SLC2A1: variants seen among roughly 807,000 people sequenced by gnomAD.
SLC2A1 encodes solute carrier family 2, facilitated glucose transporter member 1.
Under a neutral mutation model 46.6 loss-of-function variants are expected in SLC2A1, and 4 were observed. That is an observed-to-expected ratio of 0.09 (90% CI 0.04 to 0.20). The LOEUF (loss-of-function observed/expected upper bound fraction) is 0.20, where lower values mean the gene tolerates loss of function less well. SLC2A1 is among the 10% of genes least tolerant of loss of function. The probability of loss-of-function intolerance (pLI) is 1.00; values close to 1 mark genes in which losing one functional copy is unlikely to be tolerated. For synonymous variants in SLC2A1, 253 were observed against 270.0 expected, an observed-to-expected ratio of 0.94 and a Z score of 0.62; for missense variants, 352 against 667.0, an observed-to-expected ratio of 0.53 and a Z score of 5.20.
At position 42,958,848 on chromosome 1, in the gene SLC2A1, T is replaced by A. The variant is rs11537640; in HGVS notation, c.-197A>T. On this transcript the variant is annotated 5_prime_UTR_variant, in exon 1 of 10. Transcript: ENST00000426263. ...CGCGACTAGCGACCGGCACGCTCGC[T>A]GTTGCTACCTCTTGCCTCTTGCCAG... 1 of 572,144 alleles carries A rather than the reference T, an allele frequency of 1.7e-6. No individual in the cohort carries two copies. 35.4% of individuals were successfully genotyped at this position (572,144 alleles called of 1,614,324 possible).
In SLC2A1 at chr1:42,954,457, G is replaced by A. The variant is rs1288393058; in HGVS notation, c.18+4177C>T. Among the ~76,000 whole-genome samples the A allele has an allele frequency of 2.6e-5, 4 of 152,198 alleles. No individual in the cohort carries two copies. Among genetic ancestry groups the A allele is most frequent in the Admixed American group, 1.3e-4 (2 of 15,284 alleles). Reference sequence around the variant, plus strand: ...GGAGAACCACTAGAACCTGGGAGGCGAAGGTTGTGGTGAGCTGAGATTGTG... The same window carrying A: ...GGAGAACCACTAGAACCTGGGAGGCAAAGGTTGTGGTGAGCTGAGATTGTG... On this transcript the variant is annotated intron_variant, in intron 1 of 9. Coordinates refer to ENST00000426263, the MANE Select transcript of SLC2A1 (RefSeq NM_006516.4). The surrounding 1 kb of genome is among the most constrained non-coding windows in gnomAD (Gnocchi z 4.2).
chr1:42,942,888 C>T (rs747076225), intron 2 of SLC2A1: 15 of 360,538 alleles, frequency 4.2e-5, no homozygotes, highest in Non-Finnish European at 7.5e-5. Context: ...CAGAATGCCA[C>T]GGAAATGCAG....
intron 1 of SLC2A1, among the ~76,000 whole-genome samples, chr1:42,953,571 T>C (rs1436037038): frequency 1.3e-5 from 2 of 151,640 alleles, no homozygotes; most frequent in East Asian, 3.9e-4. Flanking sequence ...TGCCCAGGAG[T>C]GAGGTGGGGG....
At chr1:42,935,647 G>C (rs1280154341) in intron 2 of SLC2A1, among the ~76,000 whole-genome samples, 1 of 152,208 alleles carries the variant, frequency 6.6e-6, no homozygotes, top group East Asian at 1.9e-4. Context: ...CCTGCCTCAG[G>C]GAATAAAGCT....
chr1:42,930,468 TG>T lies in SLC2A1; in HGVS notation c.516+157del. ...CATCTTGCTGTCAACTGGGAGGCCATGGTGCTGTGTTCTCTGGACCTGTGTA... is the reference window on the plus strand; with the variant it reads ...CATCTTGCTGTCAACTGGGAGGCCATGTGCTGTGTTCTCTGGACCTGTGTA... On this transcript the variant is annotated intron_variant, in intron 4 of 9. Coordinates refer to ENST00000426263, the MANE Select transcript of SLC2A1 (RefSeq NM_006516.4). The surrounding 1 kb of genome is among the most constrained non-coding windows in gnomAD (Gnocchi z 6.2). 1 of 964,794 alleles carries T rather than the reference TG, an allele frequency of 1.0e-6. No homozygotes were observed. The highest frequency in any genetic ancestry group is 1.6e-6 in the Non-Finnish European group (1 of 612,186). 59.8% of individuals were successfully genotyped at this position (964,794 alleles called of 1,614,324 possible). A position where few individuals can be genotyped will look rare whatever the true frequency, so the allele number is the denominator to read the frequency against.
At chr1:42,937,292 T>C (rs1006071372) in intron 2 of SLC2A1, among the ~76,000 whole-genome samples, 1 of 152,174 alleles carries the variant, frequency 6.6e-6, no homozygotes, top group Non-Finnish European at 1.5e-5. Flanking sequence ...GAGTTGACAC[T>C]AAATGACCAA....
intron 1 of SLC2A1, among the ~76,000 whole-genome samples, chr1:42,957,635 C>T (rs764908605): frequency 6.6e-6 from 1 of 152,182 alleles, no homozygotes; most frequent in Non-Finnish European, 1.5e-5. Context: ...AGAAACAATG[C>T]CCTACACACA....
At position 42,958,675 on chromosome 1, in the gene SLC2A1, G is replaced by A; in HGVS notation, c.-24C>T. On this transcript the variant is annotated 5_prime_UTR_variant, in exon 1 of 10. Transcript: ENST00000426263. Reference sequence around the variant, plus strand: ...ATGGCAGCGCTGCGCTGGTGGCTCTGGCTGCGCCGGGTACGCGGGTGGCGA... The same window carrying A: ...ATGGCAGCGCTGCGCTGGTGGCTCTAGCTGCGCCGGGTACGCGGGTGGCGA... The A allele has an allele frequency of 2.0e-6, 3 of 1,534,850 alleles. No homozygotes were observed. The highest frequency in any genetic ancestry group is 2.6e-6 in the Non-Finnish European group (3 of 1,144,584).
Position 42,930,049 on chromosome 1 carries a change from G to A in SLC2A1, c.517-14C>T. 1.2e-6 allele frequency: 2 copies of A among 1,613,586 alleles called. No homozygotes were observed. The highest frequency in any genetic ancestry group is 1.3e-5 in the African/African-American group (1 of 75,022). On this transcript the variant is annotated splice_polypyrimidine_tract_variant and intron_variant, in intron 4 of 9. Transcript: ENST00000426263. The surrounding 1 kb of genome is among the most constrained non-coding windows in gnomAD (Gnocchi z 6.2). Reference sequence around the variant, plus strand: ...CAGGCCGAACACCTGGGGGAAGCAGGGGCCGTGAGCGCCTCTGCCCTGACC... The same window carrying A: ...CAGGCCGAACACCTGGGGGAAGCAGAGGCCGTGAGCGCCTCTGCCCTGACC...
chr1:42,950,844 G>T (rs1431316770), intron 1 of SLC2A1, among the ~76,000 whole-genome samples: 1 of 152,050 alleles, frequency 6.6e-6, no homozygotes, highest in East Asian at 1.9e-4. Flanking sequence ...CGTGGGGGGC[G>T]CGCGCCTGTA....
intron 2 of SLC2A1, among the ~76,000 whole-genome samples, chr1:42,937,891 T>A (rs1643557731): frequency 6.6e-6 from 1 of 152,126 alleles, no homozygotes; most frequent in African/African-American, 2.4e-5. Context: ...GAGGCGGGTG[T>A]TGCCTCCAGC....
chr1:42,942,123 G>A (rs1643604596), intron 2 of SLC2A1, among the ~76,000 whole-genome samples: 2 of 152,220 alleles, frequency 1.3e-5, no homozygotes, highest in Non-Finnish European at 2.9e-5. Context: ...TGGTCCTGAC[G>A]TGAGGACTGC....
At chr1:42,947,036 A>C (rs550985206) in intron 1 of SLC2A1, among the ~76,000 whole-genome samples, 1 of 152,328 alleles carries the variant, frequency 6.6e-6, no homozygotes, top group Non-Finnish European at 1.5e-5. Flanking sequence ...AATTCCCTCC[A>C]CAAGTGTTTG....
chr1:42,945,223 A>G lies in SLC2A1; in HGVS notation c.19-1902T>C, dbSNP rs142813242. On this transcript the variant is annotated intron_variant, in intron 1 of 9. Coordinates refer to ENST00000426263, the MANE Select transcript of SLC2A1 (RefSeq NM_006516.4). ...GGAACACATTAGAATAGATTAAAAA[A>G]CAAGCAATGCAGTGACATCAATCTA... Among the ~76,000 whole-genome samples the G allele has an allele frequency of 6.8e-4, 103 of 152,306 alleles. 1 individual carries two copies. The East Asian group carries it at 0.015, about 23-fold the overall frequency.
At chr1:42,949,179 C>T (rs1371042355) in intron 1 of SLC2A1, among the ~76,000 whole-genome samples, 3 of 151,790 alleles carry the variant, frequency 2.0e-5, no homozygotes, top group Non-Finnish European at 2.9e-5. Context: ...ACCTGGGAGG[C>T]GGAGGTTGTA....
chr1:42,948,155 A>G (rs1388326915), intron 1 of SLC2A1, among the ~76,000 whole-genome samples: 1 of 152,158 alleles, frequency 6.6e-6, no homozygotes, highest in African/African-American at 2.4e-5. Context: ...ACGACCCACA[A>G]GAGCCCTCCC....
At position 42,954,219 on chromosome 1, in the gene SLC2A1, A is replaced by T. The variant is rs547105232; in HGVS notation, c.18+4415T>A. Among the ~76,000 whole-genome samples the T allele has an allele frequency of 2.0e-5, 1 of 51,136 alleles. No homozygotes were observed. The highest frequency in any genetic ancestry group is 3.4e-5 in the Non-Finnish European group (1 of 29,128). The allele number at this position is 51,136 out of a possible 152,430, so 33.5% of individuals were successfully genotyped here. A position where few individuals can be genotyped will look rare whatever the true frequency, so the allele number is the denominator to read the frequency against. On this transcript the variant is annotated intron_variant, in intron 1 of 9. Coordinates refer to ENST00000426263, the MANE Select transcript of SLC2A1 (RefSeq NM_006516.4). This position sits in a 1 kb window ranked among gnomAD's most constrained non-coding sequence, Gnocchi z 4.2. ...GGCATGTGGAGAAGAAAGCATCTTT[A>T]AAAAAAAAACACAGCTAGGCCAGGC...
Position 42,943,901 on chromosome 1 carries a change from T to C in SLC2A1, c.19-580A>G, listed in dbSNP as rs76919290. 6.1e-3 allele frequency among the ~76,000 whole-genome samples: 931 copies of C among 152,238 alleles called. 13 individuals carry two copies. Among genetic ancestry groups the C allele is most frequent in the African/African-American group, 0.021 (888 of 41,528 alleles). The stretch of plus-strand genomic sequence containing the variant: ...AATGGCAACAGCTTCGTTTGTCACA[T>C]TGGAGATGTGATCCCACCTTGCCCT... On this transcript the variant is annotated intron_variant, in intron 1 of 9. Coordinates refer to ENST00000426263, the MANE Select transcript of SLC2A1 (RefSeq NM_006516.4).
chr1:42,951,547 T>C (rs1643720458), intron 1 of SLC2A1: 1 of 289,082 alleles, frequency 3.5e-6, no homozygotes, highest in Non-Finnish European at 6.3e-6. Context: ...ATATTCTATT[T>C]ATAGGCATGT....
Sources: gnomAD v4.1 joint callset for allele counts (sites outside exome capture counted in the v4.1 genomes callset) on GRCh38, gnomAD v4.1.1 for gene constraint, Gnocchi (gnomAD v3.1) non-coding constraint, MANE v1.5 for transcripts, NCBI Gene and HGNC (gene_info 2026-07-23, HGNC 2026-07-21) for gene names.